Variants in MMUT observed in about 807,000 individuals in gnomAD.
MMUT encodes the protein methylmalonyl-CoA mutase, mitochondrial.
Under a neutral mutation model 79.9 loss-of-function variants are expected in MMUT, and 79 were observed. That is an observed-to-expected ratio of 0.99 (90% CI 0.82 to 1.19). The LOEUF is 1.19. MMUT is among the 50% of genes most tolerant of loss of function. MMUT has a pLI of 0.00. For synonymous variants in MMUT, 273 were observed against 295.7 expected (o/e 0.92, Z 0.79); for missense variants, 860 against 917.2 (o/e 0.94, Z 0.81).
At chr6:49,441,326 T>C (rs2127415015) in intron 10 of MMUT, among the ~76,000 whole-genome samples, 1 of 152,158 alleles carries the variant, frequency 6.6e-6, no homozygotes, top group East Asian at 1.9e-4. Context: ...CTTTCAATTA[T>C]GAAAATTAAG....
intron 7 of MMUT, 133 bp from the exon 8 acceptor site, chr6:49,447,918 G>A (rs1305602927): frequency 4.8e-6 from 3 of 629,992 alleles, no homozygotes; most frequent in Non-Finnish European, 8.5e-6. Flanking sequence ...CTTCAATATA[G>A]ATCAGCAAAT....
At chr6:49,449,075 C>G (rs1767485635) in intron 6 of MMUT, 148 bp from the exon 7 acceptor site, 1 of 486,998 alleles carries the variant, frequency 2.1e-6, no homozygotes, top group Admixed American at 3.7e-5. Context: ...ATTAAATAAA[C>G]ATCAAAGTCA....
In MMUT at chr6:49,440,324, C is replaced by T. The variant is rs368690932; in HGVS notation, c.1838G>A (p.Arg613His). Reference sequence around the variant, plus strand: ...TTTTGCTACAAGAAGACGAGGTCTGCGACCTTCACGTTCCATGAATTTATG... The same window carrying T: ...TTTTGCTACAAGAAGACGAGGTCTGTGACCTTCACGTTCCATGAATTTATG... Reference protein sequence around the residue: ...RVHKFMEREGRRPRLLVAKMG... With the variant: ...RVHKFMEREGHRPRLLVAKMG... The change falls in exon 11 of 13, where the codon CGC (arginine) becomes CAC (histidine). Residue 613 changes from arginine (R) to histidine (H), a missense_variant. Transcript: ENST00000274813. 7.4e-6 allele frequency: 12 copies of T among 1,613,802 alleles called. No homozygotes were observed. In the African/African-American group the frequency reaches 8.0e-5, roughly 11 times the overall value.
intron 8 of MMUT, among the ~76,000 whole-genome samples, chr6:49,447,291 ACT>A (rs1228904648): frequency 1.3e-5 from 2 of 151,848 alleles, no homozygotes; most frequent in African/African-American, 4.8e-5. Flanking sequence ...TCAAATAATA[ACT>A]CTAAACTTTA....
At chr6:49,444,258 T>A (rs1020048815) in intron 9 of MMUT, among the ~76,000 whole-genome samples, 12 of 152,086 alleles carry the variant, frequency 7.9e-5, no homozygotes, top group Admixed American at 3.9e-4. Flanking sequence ...GTTTTTCCTA[T>A]AAATTCTCAG....
rs185371031 is a variant in MMUT at position 49,445,197 on chromosome 6, T to C, written c.1561-443A>G. Among the ~76,000 whole-genome samples, 108 of 152,206 alleles carry C rather than the reference T, an allele frequency of 7.1e-4. 2 individuals are homozygous for C. The East Asian group carries it at 0.018, about 25-fold the overall frequency. ...TAAGTTTCCTTTAGATAAATAACAA[T>C]GTATTGATAATAATATGCATATTGC... On this transcript the variant is annotated intron_variant, in intron 8 of 12. Transcript: ENST00000274813.
Position 49,444,445 on chromosome 6 carries a change from T to C in MMUT, c.1676+194A>G, listed in dbSNP as rs182238426. 3.3e-5 allele frequency among the ~76,000 whole-genome samples: 5 copies of C among 152,248 alleles called. No individual in the cohort carries two copies. In the East Asian group the frequency reaches 5.8e-4, roughly 18 times the overall value. Reference sequence around the variant, plus strand: ...CCACAGTAAAATACACAATTATTAATACAGTTCACTCAAAACATGAATGTT... The same window carrying C: ...CCACAGTAAAATACACAATTATTAACACAGTTCACTCAAAACATGAATGTT... On this transcript the variant is annotated intron_variant, in intron 9 of 12. Transcript: ENST00000274813.
rs1193663122 is a variant in MMUT at position 49,451,721 on chromosome 6, T to C, written c.1084-7A>G. 1 of 1,613,340 alleles carries C rather than the reference T, an allele frequency of 6.2e-7. No individual in the cohort carries two copies. The highest frequency in any genetic ancestry group is 8.5e-7 in the Non-Finnish European group (1 of 1,179,622). ...CAATATTATTGTAGGGATCCTAAAA[T>C]ATTTGATAAAAAACAAAAACTCAAA... On this transcript the variant is annotated splice_polypyrimidine_tract_variant and splice_region_variant and intron_variant, in intron 5 of 12. Transcript: ENST00000274813.
At chr6:49,436,592 G>A (rs943185468) in intron 11 of MMUT, among the ~76,000 whole-genome samples, 3 of 145,726 alleles carry the variant, frequency 2.1e-5, no homozygotes, top group African/African-American at 5.1e-5. Flanking sequence ...ATGAAAGAGC[G>A]AGACTCTGTT....
intron 10 of MMUT, among the ~76,000 whole-genome samples, chr6:49,441,305 C>T (rs898326153): frequency 6.6e-6 from 1 of 151,958 alleles, no homozygotes; most frequent in Non-Finnish European, 1.5e-5. Context: ...TAGATGCCAA[C>T]TAAATGTTTA....
At chr6:49,451,353 G>T in intron 6 of MMUT, 113 bp downstream of exon 6, 1 of 1,219,368 alleles carries the variant, frequency 8.2e-7, no homozygotes, top group Non-Finnish European at 1.1e-6. Context: ...ATCTGTAAGT[G>T]ATTTGATTTA....
chr6:49,438,180 G>GAA (rs1404026660), intron 11 of MMUT, among the ~76,000 whole-genome samples: 1 of 152,098 alleles, frequency 6.6e-6, no homozygotes, highest in Non-Finnish European at 1.5e-5. Flanking sequence ...ATGTAGTAGA[G>GAA]AAGGCTTTTC....
At chr6:49,462,485 TG>T (rs1408029214) in intron 1 of MMUT, among the ~76,000 whole-genome samples, 1 of 152,196 alleles carries the variant, frequency 6.6e-6, no homozygotes, top group Non-Finnish European at 1.5e-5. Flanking sequence ...AATCATCAAG[TG>T]GTTTAAAACT....
intron 3 of MMUT, 145 bp from the exon 4 acceptor site, chr6:49,456,382 A>G: frequency 1.5e-6 from 1 of 680,172 alleles, no homozygotes; most frequent in Non-Finnish European, 2.5e-6. Context: ...AAAATATTTA[A>G]TGCTTATTTG....
Position 49,457,782 on chromosome 6 carries a change from A to G in MMUT, c.662T>C (p.Ile221Thr), listed in dbSNP as rs1388827717. 6 of 1,613,002 alleles carry G rather than the reference A, an allele frequency of 3.7e-6. No homozygotes were observed. The Admixed American group carries it at 5.0e-5, about 13-fold the overall frequency. ...ATTTCGAACCATAAATTCCTTTAGT[A>G]TATCATTTTGGATGGTACCAGTAAG... is the stretch of plus-strand genomic sequence containing the variant. The part of the protein sequence containing the change: ...EKLTGTIQND[I>T]LKEFMVRNTY... Residue 221 changes from isoleucine (I) to threonine (T), a missense_variant, in exon 3 of 13, where the codon ATA becomes ACA. By Grantham distance (89) the Ile-to-Thr change is moderately conservative. Coordinates refer to ENST00000274813, the MANE Select transcript of MMUT (RefSeq NM_000255.4).
chr6:49,437,147 C>T (rs1351934504), intron 11 of MMUT, among the ~76,000 whole-genome samples: 4 of 152,050 alleles, frequency 2.6e-5, no homozygotes, highest in Non-Finnish European at 4.4e-5. Context: ...AATGTAATGC[C>T]TACAGATATC....
chr6:49,459,486 C>G lies in MMUT; in HGVS notation c.-20G>C. ...TAACATGGTGGAGCATGGAAACACC[C>G]AATAGAAATAAGAACTGACCTAGAA... is the stretch of plus-strand genomic sequence containing the variant. On this transcript the variant is annotated 5_prime_UTR_variant, in exon 2 of 13. Coordinates refer to ENST00000274813, the MANE Select transcript of MMUT (RefSeq NM_000255.4). 1 of 1,605,450 alleles carries G rather than the reference C, an allele frequency of 6.2e-7. No individual in the cohort carries two copies. The highest frequency in any genetic ancestry group is 8.5e-7 in the Non-Finnish European group (1 of 1,179,408).
intron 11 of MMUT, among the ~76,000 whole-genome samples, chr6:49,438,405 C>A (rs1767188821): frequency 6.6e-6 from 1 of 152,000 alleles, no homozygotes; most frequent in Admixed American, 6.6e-5. Context: ...TATTTGATTT[C>A]TTTTTCAAAA....
chr6:49,459,454 T>C lies in MMUT; in HGVS notation c.13A>G (p.Lys5Glu). The C allele has an allele frequency of 6.2e-7, 1 of 1,612,070 alleles. No individual in the cohort carries two copies. ...GGTGAAAGTAAAAAAAGCTGATTCTTAGCTCTTAACATGGTGGAGCATGGA... is the reference window on the plus strand; with the variant it reads ...GGTGAAAGTAAAAAAAGCTGATTCTCAGCTCTTAACATGGTGGAGCATGGA... MLRA[K>E]NQLFLLSPHY... The change falls in exon 2 of 13, where the codon AAG (lysine) becomes GAG (glutamate). Residue 5 changes from lysine (K) to glutamate (E), a missense_variant. Lys to Glu is a moderately conservative substitution (Grantham distance 56). Transcript: ENST00000274813.
Sources: allele counts gnomAD v4.1 joint callset (sites outside exome capture counted in the v4.1 genomes callset), GRCh38; gene constraint gnomAD v4.1.1; transcripts MANE v1.5; gene names NCBI Gene and HGNC (gene_info 2026-07-23, HGNC 2026-07-21).